MTCL1: variants seen among roughly 807,000 people sequenced by gnomAD.
MTCL1 encodes the protein microtubule cross-linking factor 1.
In MTCL1, 79 loss-of-function variants were observed where a neutral mutation model predicts 141.4. The observed-to-expected ratio is 0.56, with a 90% confidence interval of 0.47 to 0.67. The LOEUF (loss-of-function observed/expected upper bound fraction) is 0.67. MTCL1 is among the 30% of genes least tolerant of loss of function. MTCL1 has a pLI of 0.00. For synonymous variants in MTCL1, 914 were observed against 875.8 expected (o/e 1.04, Z -0.77); for missense variants, 2,177 against 2,113.9 (o/e 1.03, Z -0.59).
chr18:8,783,992 G>A (rs373001391), exon 6 of MTCL1: 14 of 1,613,742 alleles, frequency 8.7e-6, no homozygotes, highest in African/African-American at 2.7e-5. Flanking sequence ...GTCCATCTCC[G>A]AGATCGAAGA....
intron 7 of MTCL1, chr18:8,789,605 T>TA: frequency 1.0e-6 from 1 of 985,414 alleles, no homozygotes; most frequent in South Asian, 4.7e-5. Flanking sequence ...GGAGAATGGT[T>TA]ACAATTGTCA....
At chr18:8,815,130 C>T (rs977925346) in intron 12 of MTCL1, among the ~76,000 whole-genome samples, 3 of 151,976 alleles carry the variant, frequency 2.0e-5, no homozygotes, top group Non-Finnish European at 2.9e-5. Context: ...GGGTATATAC[C>T]GAAAGGATTA....
In MTCL1 at chr18:8,789,684, G is replaced by A. The variant is rs116518688; in HGVS notation, c.1888-3314G>A. 350 of 985,370 alleles carry A rather than the reference G, an allele frequency of 3.6e-4. No individual in the cohort carries two copies. The African/African-American group carries it at 4.1e-3, about 12-fold the overall frequency. The allele number at this position is 985,370 out of a possible 1,614,324, so 61.0% of individuals were successfully genotyped here. A position where few individuals can be genotyped will look rare whatever the true frequency, so the allele number is the denominator to read the frequency against. ...TGGTTTAGATAAGCTGCTTTAATAG[G>A]GAGATCAAGATGAATTTGATGTATA... On this transcript the variant is annotated intron_variant, in intron 7 of 16. Coordinates refer to ENST00000359865, the Ensembl canonical transcript of MTCL1.
chr18:8,733,193 C>T (rs538026773), intron 4 of MTCL1, among the ~76,000 whole-genome samples: 1 of 152,222 alleles, frequency 6.6e-6, no homozygotes, highest in South Asian at 2.1e-4. Flanking sequence ...CAGACCACCT[C>T]GGGGGCTGAG....
In MTCL1 at chr18:8,784,392, G is replaced by C. The variant is rs1049871780; in HGVS notation, c.1280G>C (p.Gly427Ala). The C allele has an allele frequency of 2.6e-6, 4 of 1,527,426 alleles. No homozygotes were observed. In the African/African-American group the frequency reaches 5.5e-5, roughly 21 times the overall value. 94.6% of individuals were successfully genotyped at this position (1,527,426 alleles called of 1,614,324 possible). Residue 427 changes from glycine to alanine, a missense_variant, in exon 6 of 17, where the codon GGC becomes GCC. Gly to Ala is a moderately conservative substitution (Grantham distance 60, BLOSUM62 0). Coordinates refer to ENST00000359865, the Ensembl canonical transcript of MTCL1. ...GAGGAAATGTTTGAGAAGACGTCGG[G>C]CTTCGGGAGCGGGAAGCCATCGGAG...
chr18:8,821,475 A>G, exon 14 of MTCL1: 4 of 1,443,952 alleles, frequency 2.8e-6, no homozygotes, highest in Non-Finnish European at 3.9e-6. Context: ...AGGAAGAAGA[A>G]AATCACAAAG....
rs765641846 is a variant in MTCL1, at chr18:8,764,320, CTT to C, written c.358-13500_358-13499del. ...TTATATAAGGAAGGTACTATTCTCA[CTT>C]TTTTTTTTTTTTGAGACAGAGTTTC... On this transcript the variant is annotated intron_variant, in intron 4 of 16. Transcript: ENST00000359865. Among the ~76,000 whole-genome samples, 887 of 143,680 alleles carry C rather than the reference CTT, an allele frequency of 6.2e-3. 11 individuals are homozygous for C. Among genetic ancestry groups the C allele is most frequent in the African/African-American group, 0.021 (817 of 39,476 alleles). 94.3% of individuals were successfully genotyped at this position (143,680 alleles called of 152,430 possible).
At chr18:8,820,850 A>T (rs570056840) in intron 13 of MTCL1, among the ~76,000 whole-genome samples, 1 of 152,312 alleles carries the variant, frequency 6.6e-6, no homozygotes, top group Admixed American at 6.5e-5. Context: ...CCACATCAGC[A>T]CAAGAGTGTT....
chr18:8,813,380 T>C (rs1429296987), intron 12 of MTCL1, 147 bp downstream of exon 11: 12 of 942,464 alleles, frequency 1.3e-5, no homozygotes, highest in African/African-American at 5.0e-5. Flanking sequence ...AATTCTAGAA[T>C]TGCTTGTGTT....
At chr18:8,819,193 G>A (rs2076761063) in exon 13 of MTCL1, 1 of 1,614,100 alleles carries the variant, frequency 6.2e-7, no homozygotes, top group South Asian at 1.1e-5. Context: ...CCTTGTCCCT[G>A]GATGACGAGC....
intron 6 of MTCL1, among the ~76,000 whole-genome samples, chr18:8,785,159 G>A (rs989343923): frequency 6.6e-6 from 1 of 152,076 alleles, no homozygotes; most frequent in African/African-American, 2.4e-5. Context: ...GATAGGGCTC[G>A]ACGCATGCCG....
At chr18:8,831,911 A>G (rs751213434) in exon 17 of MTCL1, 5 of 1,331,996 alleles carry the variant, frequency 3.8e-6, no homozygotes, top group African/African-American at 1.5e-5. Flanking sequence ...CTCAAGGTCA[A>G]AGAATGTTTT....
At position 8,827,367 on chromosome 18, in the gene MTCL1, A is replaced by G. The variant is rs1475161206; in HGVS notation, c.4722+1135A>G. On this transcript the variant is annotated intron_variant, in intron 15 of 16. Transcript: ENST00000359865. ...CCCACCAATGAATGTTTAACTCAGAATGCAGGCTTGAAATCTGAATAGGTC... is the reference window on the plus strand; with the variant it reads ...CCCACCAATGAATGTTTAACTCAGAGTGCAGGCTTGAAATCTGAATAGGTC... 2.0e-5 allele frequency among the ~76,000 whole-genome samples: 3 copies of G among 152,248 alleles called. No individual in the cohort carries two copies. In the East Asian group the frequency reaches 5.8e-4, roughly 29 times the overall value.
rs1308672144 is a variant in MTCL1 at position 8,819,210 on chromosome 18, AG to A, written c.3108del (p.Glu1036AspfsTer41). 1.9e-6 allele frequency: 3 copies of A among 1,614,076 alleles called. No individual in the cohort carries two copies. Among genetic ancestry groups the A allele is most frequent in the Non-Finnish European group, 2.5e-6 (3 of 1,180,036 alleles). On this transcript the variant is annotated frameshift_variant, in exon 13 of 17. Transcript: ENST00000359865. LOFTEE classifies it high-confidence loss of function. The stretch of plus-strand genomic sequence containing the variant: ...TTGTCCCTGGATGACGAGCCAGAAG[AG>A]CCACCAGCCCACAGGCCCGAGAGGG...
intron 4 of MTCL1, among the ~76,000 whole-genome samples, chr18:8,726,082 C>T (rs572996194): frequency 6.6e-5 from 10 of 150,976 alleles, no homozygotes; most frequent in South Asian, 6.3e-4. Context: ...TGAGCCACCG[C>T]GCCTGGTCTT....
intron 4 of MTCL1, among the ~76,000 whole-genome samples, chr18:8,749,211 G>T (rs1190201521): frequency 2.6e-5 from 4 of 152,242 alleles, no homozygotes; most frequent in Non-Finnish European, 4.4e-5. Context: ...AGCAATTGGA[G>T]AATGACAGGT....
chr18:8,786,116 C>CT (rs780957228), intron 7 of MTCL1, 25 bp downstream of exon 6: 4 of 1,393,690 alleles, frequency 2.9e-6, no homozygotes, highest in South Asian at 2.5e-5. Flanking sequence ...GCAATCCCCC[C>CT]CCCCCGCCCT....
chr18:8,827,093 C>T (rs563845818), intron 15 of MTCL1, among the ~76,000 whole-genome samples: 18 of 152,336 alleles, frequency 1.2e-4, no homozygotes, highest in African/African-American at 2.9e-4. Context: ...GCCAGGAGTC[C>T]GGATGAACAG....
Position 8,825,358 on chromosome 18 carries a change from A to G in MTCL1, c.3848A>G (p.Asp1283Gly), listed in dbSNP as rs141158729. The G allele has an allele frequency of 4.6e-5, 70 of 1,537,276 alleles. No homozygotes were observed. The highest frequency in any genetic ancestry group is 5.7e-5 in the Non-Finnish European group (65 of 1,141,970). Residue 1283 changes from aspartate (D) to glycine (G), a missense_variant, in exon 15 of 17, where the codon GAC becomes GGC. By Grantham distance (94) the Asp-to-Gly change is moderately conservative (BLOSUM62 -1). Transcript: ENST00000359865. Reference sequence around the variant, plus strand: ...GAGATGTCCAAGAACTTGAGTGATGACATGAAGGAGGTGGCCTTCTCTGTC... The same window carrying G: ...GAGATGTCCAAGAACTTGAGTGATGGCATGAAGGAGGTGGCCTTCTCTGTC...
Sources: allele counts gnomAD v4.1 joint callset (sites outside exome capture counted in the v4.1 genomes callset), GRCh38; gene constraint gnomAD v4.1.1; transcripts MANE v1.5; gene names NCBI Gene and HGNC (gene_info 2026-07-23, HGNC 2026-07-21).